The following C4orf50 variants were observed in gnomAD, a reference collection of about 807,000 sequenced individuals.
The protein encoded by C4orf50 is uncharacterized protein C4orf50.
A neutral mutation model predicts 77.2 loss-of-function variants in C4orf50; 80 were observed. The observed-to-expected ratio is 1.04, with a 90% CI of 0.87 to 1.25. C4orf50 has a LOEUF of 1.25. Ranked by LOEUF, C4orf50 falls within the 50% of genes most tolerant of loss-of-function variation. The pLI is 0.00. For missense variants in C4orf50, 1,257 were observed against 1,152.9 expected, an observed-to-expected ratio of 1.09 and a Z score of -1.31; for synonymous variants, 532 against 465.3, an observed-to-expected ratio of 1.14 and a Z score of -1.84.
At chr4:5,915,168 C>A (rs1032033009) in intron 7 of C4orf50, among the ~76,000 whole-genome samples, 2 of 152,152 alleles carry the variant, frequency 1.3e-5, no homozygotes, top group East Asian at 3.9e-4. Context: ...TCTGAAATAC[C>A]CCCTTCCTGG....
chr4:5,941,187 G>C (rs1417914529), intron 7 of C4orf50, among the ~76,000 whole-genome samples: 1 of 152,114 alleles, frequency 6.6e-6, no homozygotes, highest in Non-Finnish European at 1.5e-5. Context: ...CATTAATTGG[G>C]TGCTTCCTTT....
intron 7 of C4orf50, among the ~76,000 whole-genome samples, chr4:5,940,638 C>T (rs895731511): frequency 2.0e-5 from 3 of 152,204 alleles, no homozygotes; most frequent in African/African-American, 7.2e-5. Context: ...TCTGTGTGCA[C>T]ATTCATTTGT....
In C4orf50 at chr4:5,988,362, C is replaced by T. The variant is rs770888417; in HGVS notation, c.3684G>A (p.Leu1228=). ...CCCAACCTACCATGGGGCCATTGCT[C>T]AGGGAGCTCAGAGCTTGCCCCTGAG... The change falls in exon 28 of 34, where the codon CTG becomes CTA. Residue 1228 remains leucine (L), a synonymous_variant. Coordinates refer to ENST00000531445, the Ensembl canonical transcript of C4orf50. 7.4e-6 allele frequency: 12 copies of T among 1,613,852 alleles called. No individual in the cohort carries two copies. In the Admixed American group the frequency reaches 8.3e-5, roughly 11 times the overall value.
intron 7 of C4orf50, among the ~76,000 whole-genome samples, chr4:5,929,006 T>C (rs2108743402): frequency 1.3e-5 from 2 of 152,328 alleles, no homozygotes; most frequent in Middle Eastern, 6.8e-3. Flanking sequence ...CACTCATCAT[T>C]GCATAGCTAC....
In C4orf50 at chr4:5,958,811, A is replaced by G. The variant is rs978658358; in HGVS notation, c.*564T>C. 3.3e-5 allele frequency: 5 copies of G among 152,392 alleles called. No homozygotes were observed. The highest frequency in any genetic ancestry group is 1.2e-4 in the African/African-American group (5 of 41,464). 9.4% of individuals were successfully genotyped at this position (152,392 alleles called of 1,614,324 possible). ...CTTAGTAGACAAAAAATCTTTTAAA[A>G]CATGGGAAGGACCCCGGGGGCAGAG... On this transcript the variant is annotated 3_prime_UTR_variant, in exon 34 of 34. Coordinates refer to ENST00000531445, the Ensembl canonical transcript of C4orf50. The surrounding 1 kb of genome is among the most constrained non-coding windows in gnomAD (Gnocchi z 5.4).
Position 5,964,497 on chromosome 4 carries a change from T to C in C4orf50, c.4275+527A>G, listed in dbSNP as rs1413127363. On this transcript the variant is annotated intron_variant, in intron 33 of 33. Transcript: ENST00000531445. ...TAAAAGTCACCAGACCAGCTGGGTA[T>C]GGTGGCTCATGCCTGTAATCCCAGC... Among the ~76,000 whole-genome samples the C allele has an allele frequency of 3.9e-5, 6 of 152,108 alleles. No individual in the cohort carries two copies. In the South Asian group the frequency reaches 1.0e-3, roughly 26 times the overall value.
intron 31 of C4orf50, among the ~76,000 whole-genome samples, chr4:5,971,584 C>G (rs985294726): frequency 2.0e-5 from 3 of 152,186 alleles, no homozygotes; most frequent in African/African-American, 7.2e-5. Flanking sequence ...ATGAATCCGT[C>G]CGATGACATT....
intron 25 of C4orf50, among the ~76,000 whole-genome samples, chr4:5,999,162 AC>A (rs753799964): frequency 7.2e-5 from 11 of 152,180 alleles, no homozygotes; most frequent in Non-Finnish European, 1.5e-4. Flanking sequence ...AAGGAAACAC[AC>A]TTTTATAATG....
At chr4:5,956,766 G>A (rs927834954), downstream of C4orf50, 5 of 152,408 alleles carry the variant, frequency 3.3e-5, no homozygotes, top group African/African-American at 1.2e-4. Context: ...CAGTCCGTGT[G>A]ACAAATTGTT....
At chr4:5,989,489 G>A (rs1721124561) in exon 28 of C4orf50, 1 of 1,536,040 alleles carries the variant, frequency 6.5e-7, no homozygotes, top group Non-Finnish European at 8.7e-7. Flanking sequence ...TGCTGAGAGT[G>A]AGCTCTCTCC....
chr4:6,003,531 G>GGTGATGGTGATGGTGACT (rs1426188316), intron 25 of C4orf50, among the ~76,000 whole-genome samples: 22 of 151,850 alleles, frequency 1.4e-4, no homozygotes, highest in African/African-American at 4.8e-4. Flanking sequence ...ATGATGTGGT[G>GGTGATGGTGATGGTGACT]GTGATGGTGA....
chr4:5,907,144 A>C (rs1716585382), intron 7 of C4orf50, among the ~76,000 whole-genome samples: 1 of 152,228 alleles, frequency 6.6e-6, no homozygotes, highest in Non-Finnish European at 1.5e-5. Flanking sequence ...GCAACAAGTT[A>C]AGCTTGTAGT....
chr4:5,927,902 C>G (rs1417664958), intron 7 of C4orf50, among the ~76,000 whole-genome samples: 3 of 152,180 alleles, frequency 2.0e-5, no homozygotes, highest in South Asian at 4.1e-4. Context: ...AATCCCCTCC[C>G]CAACACCTGC....
At chr4:5,956,629 C>G (rs1195464479), downstream of C4orf50, 1 of 138,424 alleles carries the variant, frequency 7.2e-6, no homozygotes, top group African/African-American at 2.6e-5. Flanking sequence ...TCAGGCCAAG[C>G]CAACCCTCTC....
intron 31 of C4orf50, among the ~76,000 whole-genome samples, chr4:5,973,227 C>G (rs1720035660): frequency 1.3e-5 from 2 of 152,162 alleles, no homozygotes; most frequent in African/African-American, 4.8e-5. Context: ...ACTCTCTGGT[C>G]TGCGGGGCTC....
At chr4:5,944,735 C>G (rs113113970) in intron 7 of C4orf50, among the ~76,000 whole-genome samples, 13 of 152,162 alleles carry the variant, frequency 8.5e-5, no homozygotes, top group African/African-American at 3.1e-4. Flanking sequence ...CAGGCAGGGA[C>G]AAGGAAACAG....
At chr4:5,930,882 T>C (rs1237828368) in intron 7 of C4orf50, among the ~76,000 whole-genome samples, 1 of 152,066 alleles carries the variant, frequency 6.6e-6, no homozygotes. Context: ...TTGAAAGACA[T>C]AAGTGGAAGA....
At chr4:5,961,689 T>G (rs996663816) in intron 33 of C4orf50, among the ~76,000 whole-genome samples, 1 of 152,184 alleles carries the variant, frequency 6.6e-6, no homozygotes, top group Non-Finnish European at 1.5e-5. Flanking sequence ...AACCCAGGGA[T>G]GTAGTGTTGG....
In C4orf50 at chr4:5,905,643, C is replaced by G. The variant is rs1716514210; in HGVS notation, c.*2475-7455G>C. Among the ~76,000 whole-genome samples, 1 of 152,196 alleles carries G rather than the reference C, an allele frequency of 6.6e-6. No homozygotes were observed. The highest frequency in any genetic ancestry group is 2.4e-5 in the African/African-American group (1 of 41,448). ...CTTGCTTTCCAGGAAAGAATCTTAGCTTGGAATTATTAGATAATGCTCTCT... is the reference window on the plus strand; with the variant it reads ...CTTGCTTTCCAGGAAAGAATCTTAGGTTGGAATTATTAGATAATGCTCTCT... On this transcript the variant is annotated intron_variant, in intron 7 of 7. Coordinates refer to the C4orf50 transcript ENST00000324058. The surrounding 1 kb of genome is among the most constrained non-coding windows in gnomAD (Gnocchi z 5.4).
Sources: gnomAD v4.1 joint callset for allele counts (sites outside exome capture counted in the v4.1 genomes callset) on GRCh38, gnomAD v4.1.1 for gene constraint, Gnocchi (gnomAD v3.1) non-coding constraint, MANE v1.5 for transcripts, NCBI Gene and HGNC (gene_info 2026-07-23, HGNC 2026-07-21) for gene names.